Variants in SMOC2 observed in about 807,000 individuals in gnomAD.
The protein encoded by SMOC2 is SPARC-related modular calcium-binding protein 2.
Under a neutral mutation model 61.4 loss-of-function variants are expected in SMOC2, and 39 were observed. The observed-to-expected ratio is 0.64, with a 90% CI of 0.49 to 0.83. SMOC2 has a LOEUF of 0.83. Among genes scored for constraint, SMOC2 ranks in the 40% least tolerant of loss-of-function variants. SMOC2 has a pLI of 0.00. For synonymous variants in SMOC2, 247 were observed against 239.9 expected, an observed-to-expected ratio of 1.03 and a Z score of -0.27; for missense variants, 556 against 592.9, an observed-to-expected ratio of 0.94 and a Z score of 0.65.
intron 6 of SMOC2, among the ~76,000 whole-genome samples, chr6:168,547,503 G>A (rs1249238929): frequency 1.3e-5 from 2 of 152,034 alleles, no homozygotes; most frequent in African/African-American, 4.8e-5. Flanking sequence ...CCGGCGTACA[G>A]CACGAGGAAT....
chr6:168,595,247 A>G (rs56194895), intron 7 of SMOC2, among the ~76,000 whole-genome samples: 27,647 of 82,298 alleles, frequency 0.34, 5,342 homozygotes, highest in Non-Finnish European at 0.44. Flanking sequence ...CTGAGGCCTC[A>G]CGGGCATCTT....
At chr6:168,650,900 C>T (rs1787176340) in intron 10 of SMOC2, 117 bp downstream of exon 10, 1 of 899,272 alleles carries the variant, frequency 1.1e-6, no homozygotes. Flanking sequence ...CACAGTAGGG[C>T]CTTAAAAAGG....
At chr6:168,493,274 A>G (rs1782511979) in intron 1 of SMOC2, among the ~76,000 whole-genome samples, 1 of 152,102 alleles carries the variant, frequency 6.6e-6, no homozygotes, top group Admixed American at 6.6e-5. Context: ...TGATCTCAGG[A>G]GATCCACCTG....
intron 7 of SMOC2, among the ~76,000 whole-genome samples, chr6:168,556,283 G>A (rs1784247840): frequency 6.6e-6 from 1 of 152,186 alleles, no homozygotes; most frequent in African/African-American, 2.4e-5. Flanking sequence ...ACCAGGGGAA[G>A]CTGCGGGCTC....
intron 1 of SMOC2, among the ~76,000 whole-genome samples, chr6:168,474,230 G>A (rs2115016574): frequency 6.6e-6 from 1 of 152,210 alleles, no homozygotes; most frequent in African/African-American, 2.4e-5. Flanking sequence ...ACGTTTTATG[G>A]GGGAGGCCAA....
intron 9 of SMOC2, among the ~76,000 whole-genome samples, chr6:168,639,696 C>T (rs1373200386): frequency 1.3e-5 from 2 of 152,168 alleles, no homozygotes; most frequent in Non-Finnish European, 2.9e-5. Context: ...GGAATGCGTT[C>T]GATTCCATCA....
In SMOC2 at chr6:168,633,790, G is replaced by A. The variant is rs114857022; in HGVS notation, c.908-16891G>A. On this transcript the variant is annotated intron_variant, in intron 9 of 12. Transcript: ENST00000356284. ...TAGAGAGAGTATGTGGTTATGGCACGGTGCTATGGTTTGGCTGTGTCCCCA... is the reference window on the plus strand; with the variant it reads ...TAGAGAGAGTATGTGGTTATGGCACAGTGCTATGGTTTGGCTGTGTCCCCA... Among the ~76,000 whole-genome samples, 485 of 152,242 alleles carry A rather than the reference G, an allele frequency of 3.2e-3. 2 individuals carry two copies. Among genetic ancestry groups the A allele is most frequent in the African/African-American group, 0.011 (456 of 41,554 alleles).
intron 1 of SMOC2, among the ~76,000 whole-genome samples, chr6:168,508,627 CCT>C (rs1782931268): frequency 6.6e-6 from 1 of 152,182 alleles, no homozygotes; most frequent in Admixed American, 6.5e-5. Flanking sequence ...ATTTCTTTTT[CCT>C]CTCTTACTGG....
chr6:168,540,113 T>A (rs1210843602), intron 4 of SMOC2, among the ~76,000 whole-genome samples: 1 of 152,258 alleles, frequency 6.6e-6, no homozygotes, highest in Admixed American at 6.5e-5. Flanking sequence ...AAATTCTGTT[T>A]AATGCCCGCC....
chr6:168,505,980 G>A (rs947413455), intron 1 of SMOC2, among the ~76,000 whole-genome samples: 4 of 151,444 alleles, frequency 2.6e-5, no homozygotes, highest in Non-Finnish European at 5.9e-5. Flanking sequence ...ATTTTCTCTT[G>A]GCCTATTATT....
intron 9 of SMOC2, among the ~76,000 whole-genome samples, chr6:168,612,076 C>G (rs1431327229): frequency 6.6e-6 from 1 of 152,210 alleles, no homozygotes; most frequent in Non-Finnish European, 1.5e-5. Flanking sequence ...CTAAGTGATA[C>G]TGGTAAGCTT....
intron 1 of SMOC2, among the ~76,000 whole-genome samples, chr6:168,471,787 G>A (rs1781972459): frequency 6.6e-6 from 1 of 152,128 alleles, no homozygotes; most frequent in African/African-American, 2.4e-5. Flanking sequence ...CCATCCTGAT[G>A]GGTTGGGTGT....
In SMOC2 at chr6:168,566,571, C is replaced by T. The variant is rs573747388; in HGVS notation, c.637+17368C>T. 2.0e-5 allele frequency among the ~76,000 whole-genome samples: 3 copies of T among 149,786 alleles called. No homozygotes were observed. In the South Asian group the frequency reaches 6.4e-4, roughly 32 times the overall value. ...GATCTCGGCTCACTGCAACCGCCAC[C>T]TCCCAGGTTCAAGTGATTCTCCTGC... is the stretch of plus-strand genomic sequence containing the variant. On this transcript the variant is annotated intron_variant, in intron 7 of 12. Coordinates refer to ENST00000356284, the MANE Select transcript of SMOC2 (RefSeq NM_001166412.2).
At position 168,595,987 on chromosome 6, in the gene SMOC2, C is replaced by T. The variant is rs1471494531; in HGVS notation, c.638-2831C>T. ...TGCACTAATAAAATTTCTGAAGAAG[C>T]GCTGCGGCGGTGCTGAGTCTTCCTG... On this transcript the variant is annotated intron_variant, in intron 7 of 12. Coordinates refer to ENST00000356284, the MANE Select transcript of SMOC2 (RefSeq NM_001166412.2). Among the ~76,000 whole-genome samples the T allele has an allele frequency of 5.3e-5, 8 of 152,158 alleles. No homozygotes were observed. The East Asian group carries it at 5.8e-4, about 11-fold the overall frequency.
At chr6:168,608,495 C>A (rs1785770498) in intron 9 of SMOC2, among the ~76,000 whole-genome samples, 1 of 152,098 alleles carries the variant, frequency 6.6e-6, no homozygotes, top group Non-Finnish European at 1.5e-5. Context: ...AAAGAAAGGG[C>A]CCCTCACAAA....
chr6:168,661,220 A>G (rs2115290684), intron 11 of SMOC2, among the ~76,000 whole-genome samples: 1 of 152,336 alleles, frequency 6.6e-6, no homozygotes, highest in East Asian at 1.9e-4. Flanking sequence ...CCAGGAAGAA[A>G]TTAGTGAGAA....
rs199774537 is a variant in SMOC2, at chr6:168,650,761, G to A, written c.988G>A (p.Asp330Asn). ...LSTDMVHAAS[D>N]PSSSSGRLSE... ...CACGGACATGGTCCACGCCGCCTCC[G>A]ACCCCTCCTCCTCGTCAGGCAGGTA... The change falls in exon 10 of 13, where the codon GAC (aspartate) becomes AAC (asparagine). Residue 330 changes from aspartate (D) to asparagine (N), a missense_variant. Asp to Asn is a conservative substitution (Grantham distance 23). Coordinates refer to ENST00000356284, the MANE Select transcript of SMOC2 (RefSeq NM_001166412.2). 8.0e-5 allele frequency: 129 copies of A among 1,612,120 alleles called. No homozygotes were observed. Among genetic ancestry groups the A allele is most frequent in the Non-Finnish European group, 1.0e-4 (122 of 1,179,894 alleles).
chr6:168,516,776 G>A (rs575863853), intron 2 of SMOC2, among the ~76,000 whole-genome samples: 52 of 152,206 alleles, frequency 3.4e-4, no homozygotes, highest in Non-Finnish European at 5.7e-4. Context: ...GTGAAACCTC[G>A]TCTCTACTAA....
intron 6 of SMOC2, among the ~76,000 whole-genome samples, chr6:168,547,754 A>C (rs944711485): frequency 2.5e-4 from 38 of 152,052 alleles, no homozygotes; most frequent in African/African-American, 8.9e-4. Flanking sequence ...ACTCAAGCAG[A>C]AACGGATTGT....
Sources: gnomAD v4.1 joint callset for allele counts (sites outside exome capture counted in the v4.1 genomes callset) on GRCh38, gnomAD v4.1.1 for gene constraint, MANE v1.5 for transcripts, NCBI Gene and HGNC (gene_info 2026-07-23, HGNC 2026-07-21) for gene names.